The following JAZF1 variants were observed in gnomAD, a reference collection of about 807,000 sequenced individuals.
JAZF1 encodes the protein JAZF zinc finger 1.
Under a neutral mutation model 26.4 loss-of-function variants are expected in JAZF1, and 8 were observed. That is an observed-to-expected ratio of 0.30 (90% CI 0.18 to 0.55). JAZF1 has a LOEUF of 0.55. JAZF1 is among the 20% of genes least tolerant of loss of function. The pLI is 0.94. For synonymous variants in JAZF1, 126 were observed against 122.3 expected (o/e 1.03, Z -0.20); for missense variants, 199 against 322.0 (o/e 0.62, Z 2.92).
intron 2 of JAZF1, among the ~76,000 whole-genome samples, chr7:27,903,212 A>C (rs1439217227): frequency 1.3e-5 from 2 of 152,026 alleles, no homozygotes; most frequent in Non-Finnish European, 2.9e-5. Context: ...TGCAGGCATT[A>C]ATGTTATTTT....
At position 28,159,473 on chromosome 7, in the gene JAZF1, C is replaced by T. The variant is rs78148153; in HGVS notation, c.115+20990G>A. 3.7e-3 allele frequency among the ~76,000 whole-genome samples: 561 copies of T among 151,794 alleles called. 1 individual carries two copies. Among genetic ancestry groups the T allele is most frequent in the Middle Eastern group, 0.01 (3 of 294 alleles). ...TGCAGCACAGGAGCAGAGAGGAAGG[C>T]GGGAGGTGGGACCTTCGAGGGGGCG... On this transcript the variant is annotated intron_variant, in intron 1 of 4. Transcript: ENST00000283928.
chr7:27,916,937 C>T (rs1382540834), intron 2 of JAZF1, among the ~76,000 whole-genome samples: 1 of 152,176 alleles, frequency 6.6e-6, no homozygotes, highest in Non-Finnish European at 1.5e-5. Context: ...ACCTAATCCA[C>T]AGATAATAGC....
intron 2 of JAZF1, among the ~76,000 whole-genome samples, chr7:27,924,990 T>C (rs1450847518): frequency 1.3e-5 from 2 of 152,224 alleles, no homozygotes; most frequent in Admixed American, 1.3e-4. Context: ...TTTTTAAAAA[T>C]AGGGTTATTC....
intron 3 of JAZF1, among the ~76,000 whole-genome samples, chr7:27,877,888 A>G (rs1301185930): frequency 6.6e-6 from 1 of 151,970 alleles, no homozygotes; most frequent in Admixed American, 6.6e-5. Context: ...TGGCCCTATG[A>G]TTGTCTTGCA....
chr7:28,041,251 G>A (rs983008032), intron 1 of JAZF1, among the ~76,000 whole-genome samples: 1 of 152,162 alleles, frequency 6.6e-6, no homozygotes, highest in Admixed American at 6.5e-5. Flanking sequence ...GTGAGTGCAC[G>A]AGTGTGTATG....
At chr7:28,017,767 G>T (rs1782921399) in intron 1 of JAZF1, among the ~76,000 whole-genome samples, 1 of 150,650 alleles carries the variant, frequency 6.6e-6, no homozygotes. Context: ...CTTTGTTTTT[G>T]TTGTTGTTGT....
intron 3 of JAZF1, among the ~76,000 whole-genome samples, chr7:27,871,386 T>C (rs1303929334): frequency 6.6e-6 from 1 of 152,216 alleles, no homozygotes; most frequent in Non-Finnish European, 1.5e-5. Flanking sequence ...CCTTGCTTTG[T>C]TTTGCTCTAT....
At chr7:28,177,514 C>T (rs1418918679) in intron 1 of JAZF1, among the ~76,000 whole-genome samples, 1 of 152,120 alleles carries the variant, frequency 6.6e-6, no homozygotes, top group Non-Finnish European at 1.5e-5. Context: ...TTCATTTTAT[C>T]GCTGTTTAAG....
At chr7:28,179,380 G>A (rs1403436265) in intron 1 of JAZF1, among the ~76,000 whole-genome samples, 1 of 152,198 alleles carries the variant, frequency 6.6e-6, no homozygotes, top group Non-Finnish European at 1.5e-5. Flanking sequence ...AAGGTCCAGG[G>A]GTCCAGGCGT....
At chr7:28,078,778 G>A (rs1041415158) in intron 1 of JAZF1, among the ~76,000 whole-genome samples, 17 of 152,180 alleles carry the variant, frequency 1.1e-4, no homozygotes, top group African/African-American at 3.9e-4. Flanking sequence ...GATCAGTTGA[G>A]TATTGGTGAA....
intron 2 of JAZF1, among the ~76,000 whole-genome samples, chr7:27,917,669 G>GT (rs1325844379): frequency 6.6e-6 from 1 of 152,190 alleles, no homozygotes; most frequent in Non-Finnish European, 1.5e-5. Context: ...TGTTTGCTGA[G>GT]ACACTGGTCA....
At position 27,836,204 on chromosome 7, in the gene JAZF1, G is replaced by T. The variant is rs1782810821; in HGVS notation, c.556-3228C>A. ...CTTACCAGTTGGGAGGAAGGATTGG[G>T]ATAATAGTCTGGAGAAAACTGTCTT... is the stretch of plus-strand genomic sequence containing the variant. On this transcript the variant is annotated intron_variant, in intron 4 of 4. Transcript: ENST00000283928. Among the ~76,000 whole-genome samples the T allele has an allele frequency of 2.0e-5, 3 of 152,200 alleles. No individual in the cohort carries two copies. The South Asian group carries it at 6.2e-4, about 31-fold the overall frequency.
chr7:28,127,467 C>T (rs1782715863), intron 1 of JAZF1, among the ~76,000 whole-genome samples: 1 of 152,048 alleles, frequency 6.6e-6, no homozygotes, highest in South Asian at 2.1e-4. Flanking sequence ...CTGGAAAACA[C>T]AAACCTTCAC....
intron 1 of JAZF1, among the ~76,000 whole-genome samples, chr7:28,167,775 T>C (rs1583595607): frequency 6.6e-6 from 1 of 152,294 alleles, no homozygotes; most frequent in South Asian, 2.1e-4. Context: ...ATTTTAGAAT[T>C]TGGTATAAAA....
At chr7:27,895,944 T>C (rs935839578) in intron 2 of JAZF1, among the ~76,000 whole-genome samples, 1 of 152,190 alleles carries the variant, frequency 6.6e-6, no homozygotes, top group Admixed American at 6.5e-5. Flanking sequence ...GTTTAAAAAC[T>C]TTTCTTGGCT....
chr7:27,867,444 A>T (rs1439793203), intron 3 of JAZF1, among the ~76,000 whole-genome samples: 2 of 152,212 alleles, frequency 1.3e-5, no homozygotes, highest in Non-Finnish European at 2.9e-5. Context: ...ACTTCGTCCC[A>T]TGGGGAAACT....
intron 2 of JAZF1, among the ~76,000 whole-genome samples, chr7:27,904,298 A>C (rs186057902): frequency 2.6e-5 from 4 of 152,342 alleles, no homozygotes; most frequent in Admixed American, 2.6e-4. Flanking sequence ...CAGAACGTAC[A>C]TCTGCTAATA....
chr7:27,944,895 A>C (rs1466128768), intron 2 of JAZF1, among the ~76,000 whole-genome samples: 1 of 151,754 alleles, frequency 6.6e-6, no homozygotes, highest in African/African-American at 2.4e-5. Context: ...TTTGCAGGAA[A>C]CCCCTTGCCT....
At chr7:28,137,679 A>G (rs1782906334) in intron 1 of JAZF1, among the ~76,000 whole-genome samples, 2 of 152,130 alleles carry the variant, frequency 1.3e-5, no homozygotes, top group South Asian at 4.1e-4. Context: ...CTCTCCACAG[A>G]TGCCGTTTCT....
Sources: gnomAD v4.1 joint callset for allele counts (sites outside exome capture counted in the v4.1 genomes callset) on GRCh38, gnomAD v4.1.1 for gene constraint, MANE v1.5 for transcripts, NCBI Gene and HGNC (gene_info 2026-07-23, HGNC 2026-07-21) for gene names.